RARB: variants seen among roughly 807,000 people sequenced by gnomAD.
RARB encodes retinoic acid receptor beta, also known as HBV-activated protein.
A neutral mutation model predicts 51.9 loss-of-function variants in RARB; 17 were observed. The observed-to-expected ratio is 0.33, with a 90% CI of 0.22 to 0.49. RARB has a LOEUF of 0.49. RARB is among the 20% of genes least tolerant of loss of function. The probability of loss-of-function intolerance (pLI) is 0.99; values close to 1 mark genes in which losing one functional copy is unlikely to be tolerated. For synonymous variants in RARB, 215 were observed against 195.4 expected (o/e 1.10, Z -0.84); for missense variants, 369 against 550.8 (o/e 0.67, Z 3.30).
intron 3 of RARB, among the ~76,000 whole-genome samples, chr3:25,536,816 A>C (rs1259477646): frequency 6.6e-6 from 1 of 152,166 alleles, no homozygotes; most frequent in African/African-American, 2.4e-5. Flanking sequence ...AGGGTTCTTC[A>C]TGGGAGTTTT....
intron 2 of RARB, among the ~76,000 whole-genome samples, chr3:25,485,344 G>A (rs1696412427): frequency 6.6e-6 from 1 of 152,190 alleles, no homozygotes; most frequent in African/African-American, 2.4e-5. Context: ...AGACCCCAGA[G>A]GAAAAACACA....
At chr3:25,133,748 G>C (rs369399999) in intron 4 of RARB, among the ~76,000 whole-genome samples, 1 of 151,808 alleles carries the variant, frequency 6.6e-6, no homozygotes, top group African/African-American at 2.4e-5. Flanking sequence ...TGGCAAAGCT[G>C]TACACACATA....
At chr3:24,936,703 T>C (rs1695555453) in intron 2 of RARB, among the ~76,000 whole-genome samples, 1 of 152,376 alleles carries the variant, frequency 6.6e-6, no homozygotes, top group Middle Eastern at 3.4e-3. Context: ...CAGAAAATTA[T>C]GATTTTTGGC....
intron 2 of RARB, among the ~76,000 whole-genome samples, chr3:24,907,689 C>T (rs1331200002): frequency 6.6e-6 from 1 of 151,984 alleles, no homozygotes; most frequent in Non-Finnish European, 1.5e-5. Flanking sequence ...TCTTTGAACA[C>T]TTTTACCCAA....
chr3:25,477,152 A>G (rs926259275), intron 2 of RARB, among the ~76,000 whole-genome samples: 3 of 152,240 alleles, frequency 2.0e-5, no homozygotes, highest in African/African-American at 7.2e-5. Context: ...TCAGAAAGGA[A>G]GAATGAAAAT....
intron 5 of RARB, chr3:25,260,095 A>G (rs1006928673): frequency 8.9e-5 from 64 of 718,106 alleles, no homozygotes; most frequent in Non-Finnish European, 1.1e-4. Flanking sequence ...GATGAGTTTC[A>G]GCTTTGTTTG....
At position 25,072,327 on chromosome 3, in the gene RARB, T is replaced by C. The variant is rs1698783596; in HGVS notation, c.-328+12151T>C. Among the ~76,000 whole-genome samples the C allele has an allele frequency of 2.6e-5, 4 of 152,254 alleles. No individual in the cohort carries two copies. In the Middle Eastern group the frequency reaches 0.01, roughly 388 times the overall value. On this transcript the variant is annotated intron_variant, in intron 3 of 11. Coordinates refer to the RARB transcript ENST00000383772. ...TTCTGGAGAGCCAGTCACCGCCTTA[T>C]GGGGGTGATCTGTGAAGACCCAGTG...
chr3:25,090,493 C>T (rs967540819), intron 3 of RARB, among the ~76,000 whole-genome samples: 1 of 152,126 alleles, frequency 6.6e-6, no homozygotes, highest in Non-Finnish European at 1.5e-5. Context: ...CTCCTGTGCT[C>T]TGAAGATGTT....
At chr3:24,949,478 A>T (rs916103147) in intron 2 of RARB, among the ~76,000 whole-genome samples, 31 of 152,220 alleles carry the variant, frequency 2.0e-4, no homozygotes, top group Admixed American at 1.8e-3. Context: ...ACTTCATAGC[A>T]ATTTAAGGTT....
Position 25,538,548 on chromosome 3 carries a change from C to G in RARB, c.449-31210C>G, listed in dbSNP as rs184036979. Among the ~76,000 whole-genome samples the G allele has an allele frequency of 9.2e-5, 14 of 152,326 alleles. No homozygotes were observed. The East Asian group carries it at 2.5e-3, about 27-fold the overall frequency. On this transcript the variant is annotated intron_variant, in intron 3 of 7. Coordinates refer to ENST00000330688, the MANE Select transcript of RARB (RefSeq NM_000965.5). ...GAGATGTTTGGTGTGCTATTTGTTA[C>G]TAGGCCCCACAAGTTAGGGCCTGAC...
At chr3:25,093,034 G>T (rs1559463609) in intron 3 of RARB, among the ~76,000 whole-genome samples, 3 of 152,128 alleles carry the variant, frequency 2.0e-5, no homozygotes, top group South Asian at 4.1e-4. Context: ...CACAGGTGTT[G>T]CTTACAATGA....
chr3:24,957,285 C>A (rs1371623214), intron 2 of RARB, among the ~76,000 whole-genome samples: 1 of 152,170 alleles, frequency 6.6e-6, no homozygotes, highest in African/African-American at 2.4e-5. Flanking sequence ...TACTGTGAGA[C>A]CTAGAATGAC....
At chr3:25,012,195 A>G (rs987766894) in intron 2 of RARB, among the ~76,000 whole-genome samples, 13 of 152,126 alleles carry the variant, frequency 8.5e-5, no homozygotes, top group African/African-American at 3.1e-4. Flanking sequence ...AGGCACTTCA[A>G]AAGCATATTG....
At chr3:25,367,490 T>A (rs947561940) in intron 5 of RARB, among the ~76,000 whole-genome samples, 2 of 152,008 alleles carry the variant, frequency 1.3e-5, no homozygotes, top group Non-Finnish European at 2.9e-5. Context: ...TAAATGCTGG[T>A]GGGATTGTAT....
rs1553638401 is a variant in RARB at position 25,597,775 on chromosome 3, A to ACTT, written c.*1159_*1160insCTT. 9 of 149,826 alleles carry ACTT rather than the reference A, an allele frequency of 6.0e-5. No homozygotes were observed. The highest frequency in any genetic ancestry group is 2.2e-4 in the African/African-American group (9 of 40,782). The allele number at this position is 149,826 out of a possible 1,614,324, so 9.3% of individuals were successfully genotyped here. A position where few individuals can be genotyped will look rare whatever the true frequency, so the allele number is the denominator to read the frequency against. On this transcript the variant is annotated 3_prime_UTR_variant, in exon 8 of 8. Transcript: ENST00000330688. The stretch of plus-strand genomic sequence containing the variant: ...TAGTTCTCATTTAAGCACTAGTGGA[A>ACTT]TTTTTTTTTTTTGATATATTAGCAA...
rs937110743 is a variant in RARB, at chr3:25,137,492, A to C, written c.-280+5284A>C. 4.6e-5 allele frequency among the ~76,000 whole-genome samples: 7 copies of C among 152,206 alleles called. No homozygotes were observed. In the South Asian group the frequency reaches 1.2e-3, roughly 27 times the overall value. ...TTTACAGTAACTTACAGAAAAACCC[A>C]GTGAAATTAGTTTGGTCAGATATAG... On this transcript the variant is annotated intron_variant, in intron 4 of 11. Transcript: ENST00000383772.
chr3:24,977,830 C>A (rs909691055), intron 2 of RARB, among the ~76,000 whole-genome samples: 1 of 152,102 alleles, frequency 6.6e-6, no homozygotes. Flanking sequence ...TTGTCTTGTG[C>A]CAGTTTTCAA....
chr3:25,052,152 A>G (rs1698345689), intron 2 of RARB, among the ~76,000 whole-genome samples: 1 of 152,186 alleles, frequency 6.6e-6, no homozygotes. Context: ...CTTAAACTGG[A>G]CAGAGGAGGT....
At chr3:25,172,197 T>C (rs1312303601) in intron 4 of RARB, among the ~76,000 whole-genome samples, 1 of 152,228 alleles carries the variant, frequency 6.6e-6, no homozygotes, top group African/African-American at 2.4e-5. Context: ...AGATGTCATC[T>C]AAGTGAGGAC....
Sources: allele counts gnomAD v4.1 joint callset (sites outside exome capture counted in the v4.1 genomes callset), GRCh38; gene constraint gnomAD v4.1.1; transcripts MANE v1.5; gene names NCBI Gene and HGNC (gene_info 2026-07-23, HGNC 2026-07-21).